UBN2: variants seen among roughly 807,000 people sequenced by gnomAD.
UBN2 encodes the protein ubinuclein 2.
UBN2 carries 35 observed loss-of-function variants against 120.2 expected under a neutral mutation model. The ratio of observed to expected loss-of-function variants is 0.29; its 90% CI spans 0.22 to 0.39. The LOEUF (loss-of-function observed/expected upper bound fraction) is 0.39. UBN2 is among the 10% of genes least tolerant of loss of function. UBN2 has a pLI of 1.00. For missense variants in UBN2, 1,693 were observed against 1,663.2 expected, an observed-to-expected ratio of 1.02 and a Z score of -0.31; for synonymous variants, 661 against 648.7, an observed-to-expected ratio of 1.02 and a Z score of -0.29.
Position 139,266,419 on chromosome 7 carries a change from T to TAAA in UBN2, c.1466+25_1466+27dup. Reference sequence around the variant, plus strand: ...TTCTTCTGGAGTAAGTAATTTTCTTTAAAAAAAAAAACCTTAAGAATGATA... The same window carrying TAAA: ...TTCTTCTGGAGTAAGTAATTTTCTTTAAAAAAAAAAAAAACCTTAAGAATGATA... On this transcript the variant is annotated intron_variant, in intron 7 of 17. Coordinates refer to ENST00000473989, the MANE Select transcript of UBN2 (RefSeq NM_173569.4). The TAAA allele has an allele frequency of 9.9e-6, 11 of 1,108,792 alleles. No individual in the cohort carries two copies. Among genetic ancestry groups the TAAA allele is most frequent in the South Asian group, 4.8e-5 (3 of 62,364 alleles). The allele number at this position is 1,108,792 out of a possible 1,614,324, so 68.7% of individuals were successfully genotyped here. A position where few individuals can be genotyped will look rare whatever the true frequency, so the allele number is the denominator to read the frequency against.
At chr7:139,278,163 C>T (rs190337531) in intron 12 of UBN2, among the ~76,000 whole-genome samples, 1 of 151,074 alleles carries the variant, frequency 6.6e-6, no homozygotes, top group East Asian at 1.9e-4. Context: ...AGATGTCTCC[C>T]TCTCTGTCTC....
chr7:139,315,065 T>G, the UBN2 span, among the ~76,000 whole-genome samples: 1 of 151,956 alleles, frequency 6.6e-6, no homozygotes, highest in Admixed American at 6.6e-5. Flanking sequence ...AAGCTCCGCC[T>G]CCCGGGTTCA....
Position 139,283,747 on chromosome 7 carries a change from A to T in UBN2, c.2842A>T (p.Ser948Cys). ...NYVSPLQATISKSQTNPVVKL... is the reference protein window; with the variant it reads ...NYVSPLQATICKSQTNPVVKL... ...TGTGTCTCCATTACAGGCCACCATCAGTAAATCCCAGACCAACCCCGTCGT... is the reference window on the plus strand; with the variant it reads ...TGTGTCTCCATTACAGGCCACCATCTGTAAATCCCAGACCAACCCCGTCGT... Residue 948 changes from serine to cysteine, a missense_variant, in exon 15 of 18, where the codon AGT becomes TGT. By Grantham distance (112) the Ser-to-Cys change is moderately radical. Coordinates refer to ENST00000473989, the MANE Select transcript of UBN2 (RefSeq NM_173569.4). The T allele has an allele frequency of 6.2e-7, 1 of 1,613,822 alleles. No individual in the cohort carries two copies.
At chr7:139,319,499 T>C in the UBN2 span, among the ~76,000 whole-genome samples, 1 of 152,202 alleles carries the variant, frequency 6.6e-6, no homozygotes, top group African/African-American at 2.4e-5. Flanking sequence ...TGCTCACCTG[T>C]GGTCCCAGCT....
chr7:139,284,018 A>G lies in UBN2; in HGVS notation c.3113A>G (p.Lys1038Arg). 5 of 1,613,280 alleles carry G rather than the reference A, an allele frequency of 3.1e-6. No individual in the cohort carries two copies. The highest frequency in any genetic ancestry group is 3.4e-6 in the Non-Finnish European group (4 of 1,179,748). Residue 1038 changes from lysine to arginine, a missense_variant, in exon 15 of 18, where the codon AAA becomes AGA. Coordinates refer to ENST00000473989, the MANE Select transcript of UBN2 (RefSeq NM_173569.4). Reference protein sequence around the residue: ...KSPFSMAASPKLAASPKPATS... With the variant: ...KSPFSMAASPRLAASPKPATS... ...CCCTTCTCGATGGCTGCCTCCCCAAAACTTGCCGCATCTCCCAAGCCTGCC... is the reference window on the plus strand; with the variant it reads ...CCCTTCTCGATGGCTGCCTCCCCAAGACTTGCCGCATCTCCCAAGCCTGCC...
intron 12 of UBN2, chr7:139,276,389 G>A (rs1797443349): frequency 4.1e-6 from 2 of 484,778 alleles, no homozygotes; most frequent in Non-Finnish European, 7.4e-6. Context: ...GAAGCATGAA[G>A]GCTCAGGGAT....
intron 7 of UBN2, among the ~76,000 whole-genome samples, chr7:139,267,290 T>C (rs1797127045): frequency 6.6e-6 from 1 of 152,044 alleles, no homozygotes; most frequent in African/African-American, 2.4e-5. Context: ...TCCCAACACT[T>C]TGGGAGGCCA....
the UBN2 span, among the ~76,000 whole-genome samples, chr7:139,319,939 G>A: frequency 1.3e-5 from 2 of 151,996 alleles, no homozygotes; most frequent in East Asian, 1.9e-4. Flanking sequence ...AGCTGAGTGT[G>A]GTGGCGGGTG....
intron 7 of UBN2, among the ~76,000 whole-genome samples, chr7:139,268,251 G>T (rs1797156866): frequency 6.6e-6 from 1 of 151,998 alleles, no homozygotes; most frequent in African/African-American, 2.4e-5. Context: ...TTTCACAGAG[G>T]GTATGCCTCC....
At chr7:139,326,840 C>T in the UBN2 span, among the ~76,000 whole-genome samples, 2 of 152,122 alleles carry the variant, frequency 1.3e-5, no homozygotes, top group African/African-American at 4.8e-5. Flanking sequence ...CAGCCCAGGG[C>T]CACTGTGTCA....
intron 8 of UBN2, among the ~76,000 whole-genome samples, chr7:139,271,891 G>A (rs1797287941): frequency 6.6e-6 from 1 of 152,192 alleles, no homozygotes; most frequent in Admixed American, 6.5e-5. Context: ...CCGGTTGGTA[G>A]TCACCCAAAC....
At chr7:139,260,220 A>C (rs936063686) in intron 5 of UBN2, among the ~76,000 whole-genome samples, 2 of 151,778 alleles carry the variant, frequency 1.3e-5, no homozygotes, top group African/African-American at 4.8e-5. Flanking sequence ...TGCCTCAGCT[A>C]CCTGAGTAGC....
downstream of UBN2, among the ~76,000 whole-genome samples, chr7:139,311,345 G>C (rs530764781): frequency 2.0e-5 from 3 of 152,294 alleles, no homozygotes; most frequent in South Asian, 6.2e-4. Context: ...TGCCTCTTCT[G>C]TGTCTCTGTT....
At chr7:139,240,582 T>C (rs992975703) in intron 2 of UBN2, among the ~76,000 whole-genome samples, 1 of 151,984 alleles carries the variant, frequency 6.6e-6, no homozygotes, top group Non-Finnish European at 1.5e-5. Flanking sequence ...AAAATCTCTC[T>C]CTTAAACTAC....
At chr7:139,241,776 C>G (rs1047008398) in intron 2 of UBN2, among the ~76,000 whole-genome samples, 17 of 152,206 alleles carry the variant, frequency 1.1e-4, no homozygotes, top group African/African-American at 4.1e-4. Context: ...GTGGGCAGAT[C>G]ACCTGAGGTC....
At chr7:139,242,652 A>G (rs976092078) in intron 2 of UBN2, among the ~76,000 whole-genome samples, 1 of 152,226 alleles carries the variant, frequency 6.6e-6, no homozygotes, top group African/African-American at 2.4e-5. Context: ...TTGCTGTGAC[A>G]TGCCCTTTTA....
At chr7:139,314,675 AG>A in the UBN2 span, among the ~76,000 whole-genome samples, 1 of 151,706 alleles carries the variant, frequency 6.6e-6, no homozygotes, top group South Asian at 2.1e-4. Context: ...TAGTAGAGAC[AG>A]GGTCTCACCA....
the UBN2 span, among the ~76,000 whole-genome samples, chr7:139,327,714 T>C: frequency 6.6e-6 from 1 of 152,200 alleles, no homozygotes; most frequent in Non-Finnish European, 1.5e-5. Flanking sequence ...ACCATAGCAC[T>C]CTGCCTTAAT....
In UBN2 at chr7:139,297,942, A is replaced by G. The variant is rs1346939550; in HGVS notation, c.*106A>G. On this transcript the variant is annotated 3_prime_UTR_variant, in exon 18 of 18. Coordinates refer to ENST00000473989, the MANE Select transcript of UBN2 (RefSeq NM_173569.4). ...GGCTGCTGTTTCTGTCGATGTTTACATTCTCTCGTCCCAAGCACTGTGGTG... is the reference window on the plus strand; with the variant it reads ...GGCTGCTGTTTCTGTCGATGTTTACGTTCTCTCGTCCCAAGCACTGTGGTG... The G allele has an allele frequency of 5.5e-6, 7 of 1,261,456 alleles. No individual in the cohort carries two copies. The highest frequency in any genetic ancestry group is 2.4e-5 in the East Asian group (1 of 41,734). 78.1% of individuals were successfully genotyped at this position (1,261,456 alleles called of 1,614,324 possible).
Sources: allele counts gnomAD v4.1 joint callset (sites outside exome capture counted in the v4.1 genomes callset), GRCh38; gene constraint gnomAD v4.1.1; transcripts MANE v1.5; gene names NCBI Gene and HGNC (gene_info 2026-07-23, HGNC 2026-07-21).